The following ABCG2 variants were observed in gnomAD, a reference collection of about 807,000 sequenced individuals.
The protein encoded by ABCG2 is broad substrate specificity ATP-binding cassette transporter ABCG2.
In ABCG2, 80 loss-of-function variants were observed where a neutral mutation model predicts 73.5. The observed-to-expected ratio is 1.09, with a 90% CI of 0.91 to 1.31. ABCG2 has a LOEUF of 1.31. Among genes scored for constraint, ABCG2 ranks in the 50% most tolerant of loss-of-function variants. ABCG2 has a pLI of 0.00. For missense variants in ABCG2, 796 were observed against 786.2 expected, an observed-to-expected ratio of 1.01 and a Z score of -0.15; for synonymous variants, 269 against 282.4, an observed-to-expected ratio of 0.95 and a Z score of 0.48.
chr4:88,222,649 A>G (rs1295902292), intron 1 of ABCG2, among the ~76,000 whole-genome samples: 1 of 152,158 alleles, frequency 6.6e-6, no homozygotes, highest in African/African-American at 2.4e-5. Flanking sequence ...TGTCTTTATC[A>G]GCAGTGTGAA....
intron 1 of ABCG2, among the ~76,000 whole-genome samples, chr4:88,171,106 G>T (rs987871088): frequency 1.3e-5 from 2 of 151,976 alleles, no homozygotes; most frequent in Non-Finnish European, 2.9e-5. Flanking sequence ...CAACAGACAC[G>T]GGTCTACTTG....
chr4:88,120,637 A>G (rs1018208037), intron 6 of ABCG2, among the ~76,000 whole-genome samples: 1 of 152,050 alleles, frequency 6.6e-6, no homozygotes, highest in African/African-American at 2.4e-5. Context: ...GTTTTGGCCA[A>G]TTTCTCCCAT....
At chr4:88,140,511 A>C (rs1310264270) in intron 1 of ABCG2, among the ~76,000 whole-genome samples, 1 of 152,142 alleles carries the variant, frequency 6.6e-6, no homozygotes, top group Non-Finnish European at 1.5e-5. Flanking sequence ...AATCCCAGCT[A>C]CTTGGGAGGC....
At chr4:88,121,928 A>G in intron 5 of ABCG2, 136 bp from the exon 6 acceptor site, 1 of 835,582 alleles carries the variant, frequency 1.2e-6, no homozygotes, top group South Asian at 1.9e-5. Flanking sequence ...ATAAGTGGAT[A>G]CCTGGTAGAA....
intron 1 of ABCG2, among the ~76,000 whole-genome samples, chr4:88,230,307 A>T (rs1444462641): frequency 1.4e-4 from 7 of 51,468 alleles, no homozygotes; most frequent in African/African-American, 8.0e-4. Context: ...ATATATATAT[A>T]TTTTTTTTTT....
At chr4:88,148,042 A>G (rs570625962) in intron 1 of ABCG2, among the ~76,000 whole-genome samples, 1 of 152,340 alleles carries the variant, frequency 6.6e-6, no homozygotes, top group South Asian at 2.1e-4. Context: ...GAGGGAGCAC[A>G]AGACCTGCGA....
intron 1 of ABCG2, among the ~76,000 whole-genome samples, chr4:88,174,600 C>T (rs1445540963): frequency 6.6e-6 from 1 of 152,182 alleles, no homozygotes; most frequent in Non-Finnish European, 1.5e-5. Flanking sequence ...CCATGTTGGT[C>T]AGGCTGGTCT....
upstream of ABCG2, chr4:88,159,070 C>A (rs574478971): frequency 6.7e-4 from 300 of 451,042 alleles, no homozygotes; most frequent in African/African-American, 5.4e-3. Flanking sequence ...GGTACCACCG[C>A]CCTCCCTCGG....
At position 88,146,464 on chromosome 4, in the gene ABCG2, G is replaced by A. The variant is rs181231118; in HGVS notation, c.-19-6450C>T. Among the ~76,000 whole-genome samples the A allele has an allele frequency of 1.2e-3, 187 of 151,700 alleles. 1 individual carries two copies. The highest frequency in any genetic ancestry group is 3.4e-3 in the Middle Eastern group (1 of 294). On this transcript the variant is annotated intron_variant, in intron 1 of 15. Coordinates refer to ENST00000237612, the MANE Select transcript of ABCG2 (RefSeq NM_004827.3). ...GACGTAGTGCAGTGGTGTGGATCTTGGCTCACTGCAAGCTCTGCCTCCCAG... is the reference window on the plus strand; with the variant it reads ...GACGTAGTGCAGTGGTGTGGATCTTAGCTCACTGCAAGCTCTGCCTCCCAG...
rs370427430 is a variant in ABCG2, at chr4:88,146,860, C to T, written c.-19-6846G>A. The stretch of plus-strand genomic sequence containing the variant: ...GAATCCAGCCTAAGCAACAGCGTAA[C>T]CCTGTCAAAAAGAAAGAAAAGCAAA... On this transcript the variant is annotated intron_variant, in intron 1 of 15. Coordinates refer to ENST00000237612, the MANE Select transcript of ABCG2 (RefSeq NM_004827.3). Among the ~76,000 whole-genome samples, 106 of 136,700 alleles carry T rather than the reference C, an allele frequency of 7.8e-4. 6 individuals carry two copies. The South Asian group carries it at 0.023, about 30-fold the overall frequency. 89.7% of individuals were successfully genotyped at this position (136,700 alleles called of 152,430 possible).
At chr4:88,162,450 A>T (rs1210220432), upstream of ABCG2, among the ~76,000 whole-genome samples, 4 of 152,180 alleles carry the variant, frequency 2.6e-5, no homozygotes, top group Non-Finnish European at 5.9e-5. Context: ...GTCTAATTTT[A>T]AAAATATTTT....
rs923364562 is a variant in ABCG2 at position 88,131,680 on chromosome 4, G to T, written c.378+123C>A. ...CTATGAGAAATTAAGAAAAGCTGCT[G>T]TAAAGAACGTCAGTTCTAGGACCAT... On this transcript the variant is annotated intron_variant, in intron 4 of 15. Coordinates refer to ENST00000237612, the MANE Select transcript of ABCG2 (RefSeq NM_004827.3). 5.3e-5 allele frequency: 36 copies of T among 675,194 alleles called. No individual in the cohort carries two copies. In the African/African-American group the frequency reaches 6.5e-4, roughly 12 times the overall value. The allele number at this position is 675,194 out of a possible 1,614,324, so 41.8% of individuals were successfully genotyped here.
At chr4:88,206,493 C>T (rs544453266) in intron 1 of ABCG2, 3 of 152,050 alleles carry the variant, frequency 2.0e-5, no homozygotes, top group Admixed American at 6.5e-5. Flanking sequence ...TTGTCAGGCC[C>T]GAGGGCCTCT....
At chr4:88,221,069 G>A (rs949060649) in intron 1 of ABCG2, among the ~76,000 whole-genome samples, 4 of 152,160 alleles carry the variant, frequency 2.6e-5, no homozygotes, top group Non-Finnish European at 5.9e-5. Context: ...AGGAGTTCAA[G>A]ATCAGATTGG....
chr4:88,151,294 TGA>T (rs769073341), intron 1 of ABCG2, among the ~76,000 whole-genome samples: 2 of 152,184 alleles, frequency 1.3e-5, no homozygotes, highest in Non-Finnish European at 2.9e-5. Flanking sequence ...AAAATCAAGT[TGA>T]GTGTGAGTTA....
At chr4:88,097,321 T>G (rs766765703) in intron 13 of ABCG2, 132 bp downstream of exon 13, 4 of 970,290 alleles carry the variant, frequency 4.1e-6, no homozygotes, top group Middle Eastern at 2.3e-4. Context: ...TCTATTCCAG[T>G]AGATGGCCTT....
chr4:88,102,319 C>T (rs930932265), intron 10 of ABCG2, among the ~76,000 whole-genome samples: 2 of 152,178 alleles, frequency 1.3e-5, no homozygotes, highest in East Asian at 1.9e-4. Flanking sequence ...AAATGTTGGC[C>T]GGGTGCAGTG....
At chr4:88,166,116 G>C (rs1393547430) in intron 1 of ABCG2, among the ~76,000 whole-genome samples, 1 of 152,096 alleles carries the variant, frequency 6.6e-6, no homozygotes, top group Non-Finnish European at 1.5e-5. Context: ...AAACATTTAA[G>C]ACACAGCAGA....
chr4:88,216,019 G>T (rs184461344), intron 1 of ABCG2, among the ~76,000 whole-genome samples: 82 of 152,272 alleles, frequency 5.4e-4, no homozygotes, highest in South Asian at 1.2e-3. Flanking sequence ...TGTTATGGGG[G>T]CTAGCTTGCA....
Sources: allele counts gnomAD v4.1 joint callset (sites outside exome capture counted in the v4.1 genomes callset), GRCh38; gene constraint gnomAD v4.1.1; transcripts MANE v1.5; gene names NCBI Gene and HGNC (gene_info 2026-07-23, HGNC 2026-07-21).